Variants in SLC27A6 observed in about 807,000 individuals in gnomAD.
SLC27A6 encodes the protein long-chain fatty acid transport protein 6.
A neutral mutation model predicts 63.9 loss-of-function variants in SLC27A6; 74 were observed. The observed-to-expected ratio is 1.16, with a 90% CI of 0.96 to 1.40. The LOEUF (loss-of-function observed/expected upper bound fraction) is 1.40, where lower values mean the gene tolerates loss of function less well. SLC27A6 is among the 40% of genes most tolerant of loss of function. The pLI is 0.00. For missense variants in SLC27A6, 794 were observed against 732.9 expected (o/e 1.08, Z -0.96); for synonymous variants, 287 against 260.8 (o/e 1.10, Z -0.97).
At chr5:129,014,389 T>G (rs1419370161) in intron 4 of SLC27A6, among the ~76,000 whole-genome samples, 1 of 152,206 alleles carries the variant, frequency 6.6e-6, no homozygotes, top group Non-Finnish European at 1.5e-5. Context: ...CAGTGTCTTA[T>G]GGGAGCTGGC....
Position 129,033,464 on chromosome 5 carries a change from A to T in SLC27A6, c.*182A>T, listed in dbSNP as rs1266029910. The T allele has an allele frequency of 3.1e-6, 1 of 326,458 alleles. No individual in the cohort carries two copies. Among genetic ancestry groups the T allele is most frequent in the African/African-American group, 2.2e-5 (1 of 46,312 alleles). The allele number at this position is 326,458 out of a possible 1,614,324, so 20.2% of individuals were successfully genotyped here. On this transcript the variant is annotated 3_prime_UTR_variant, in exon 10 of 10. Coordinates refer to ENST00000262462, the MANE Select transcript of SLC27A6 (RefSeq NM_001017372.3). ...ATTTCTTTTAATTGATATAAACAGT[A>T]GTTGATTATTCTTTTTATCTATTTG... is the stretch of plus-strand genomic sequence containing the variant.
chr5:129,015,359 T>A (rs1751857894), intron 4 of SLC27A6, among the ~76,000 whole-genome samples: 1 of 152,206 alleles, frequency 6.6e-6, no homozygotes, highest in African/African-American at 2.4e-5. Flanking sequence ...ATTACTTTGA[T>A]TCTATGGCCT....
At chr5:128,971,654 G>C (rs1224922743) in intron 1 of SLC27A6, among the ~76,000 whole-genome samples, 1 of 151,740 alleles carries the variant, frequency 6.6e-6, no homozygotes, top group Non-Finnish European at 1.5e-5. Flanking sequence ...CCTATAGTGT[G>C]TCTCTGCACG....
At chr5:128,992,166 CCTT>C (rs1561618812) in intron 4 of SLC27A6, among the ~76,000 whole-genome samples, 1 of 16,908 alleles carries the variant, frequency 5.9e-5, no homozygotes, top group African/African-American at 2.6e-4. Context: ...ACCCACCTTT[CCTT>C]GACTAGAGGA....
intron 6 of SLC27A6, among the ~76,000 whole-genome samples, chr5:129,026,886 G>T (rs1752261814): frequency 3.9e-5 from 6 of 152,044 alleles, no homozygotes; most frequent in Admixed American, 3.9e-4. Flanking sequence ...ATCTAATGAG[G>T]CTTTTCTTTC....
In SLC27A6 at chr5:129,027,205, A is replaced by C. The variant is rs373485141; in HGVS notation, c.1328A>C (p.His443Pro). 2 of 1,613,424 alleles carry C rather than the reference A, an allele frequency of 1.2e-6. No homozygotes were observed. The highest frequency in any genetic ancestry group is 1.7e-6 in the Non-Finnish European group (2 of 1,179,592). The change falls in exon 7 of 10, where the codon CAC (histidine) becomes CCC (proline). Residue 443 changes from histidine to proline, a missense_variant. Transcript: ENST00000262462. ...PFFGYAGPYK[H>P]TKDKLLCDVF... is the part of the protein sequence containing the mutation. The stretch of plus-strand genomic sequence containing the variant: ...TTTGGCTATGCTGGGCCTTATAAGC[A>C]CACAAAAGACAAATTGCTTTGTGAT...
chr5:128,996,529 T>G (rs1751165900), intron 4 of SLC27A6, among the ~76,000 whole-genome samples: 1 of 152,166 alleles, frequency 6.6e-6, no homozygotes. Flanking sequence ...TGTGTTAAAT[T>G]TTTCATTAGT....
At chr5:129,006,229 C>T (rs963282945) in intron 4 of SLC27A6, among the ~76,000 whole-genome samples, 14 of 151,648 alleles carry the variant, frequency 9.2e-5, no homozygotes, top group African/African-American at 3.1e-4. Context: ...CAGGCGCCAG[C>T]CGCCGCGCCA....
intron 6 of SLC27A6, among the ~76,000 whole-genome samples, chr5:129,026,191 C>T (rs1580749046): frequency 6.6e-6 from 1 of 152,092 alleles, no homozygotes; most frequent in African/African-American, 2.4e-5. Context: ...TGGACTCCAA[C>T]TTCATCTAGC....
intron 1 of SLC27A6, among the ~76,000 whole-genome samples, chr5:128,977,412 A>G (rs555299224): frequency 6.6e-6 from 1 of 152,218 alleles, no homozygotes; most frequent in Admixed American, 6.5e-5. Flanking sequence ...AGGTGAGGTC[A>G]GTGGAAAAGG....
At chr5:128,996,231 A>G (rs1751155924) in intron 4 of SLC27A6, among the ~76,000 whole-genome samples, 1 of 152,192 alleles carries the variant, frequency 6.6e-6, no homozygotes, top group Admixed American at 6.5e-5. Flanking sequence ...TAATTTGTCT[A>G]TATATGTCAA....
intron 6 of SLC27A6, among the ~76,000 whole-genome samples, chr5:129,025,172 C>A (rs1233427509): frequency 6.6e-6 from 1 of 152,136 alleles, no homozygotes; most frequent in Non-Finnish European, 1.5e-5. Context: ...TTGGAATTCT[C>A]ATTATGAGCT....
rs1238356978 is a variant in SLC27A6, at chr5:128,977,618, C to T, written c.482-7515C>T. Reference sequence around the variant, plus strand: ...AAAATCTGAACTCTAGTTCCCATGCCACCTTGCCTAGATGTATGAGCTTGA... The same window carrying T: ...AAAATCTGAACTCTAGTTCCCATGCTACCTTGCCTAGATGTATGAGCTTGA... On this transcript the variant is annotated intron_variant, in intron 1 of 9. Transcript: ENST00000262462. Among the ~76,000 whole-genome samples the T allele has an allele frequency of 2.0e-5, 3 of 152,124 alleles. No homozygotes were observed. The East Asian group carries it at 5.8e-4, about 29-fold the overall frequency.
chr5:128,966,618 G>C lies in SLC27A6; in HGVS notation c.481G>C (p.Asp161His). 6.6e-7 allele frequency: 1 copy of C among 1,513,584 alleles called. No individual in the cohort carries two copies. Among genetic ancestry groups the C allele is most frequent in the Non-Finnish European group, 8.8e-7 (1 of 1,139,954 alleles). 93.8% of individuals were successfully genotyped at this position (1,513,584 alleles called of 1,614,324 possible). A position where few individuals can be genotyped will look rare whatever the true frequency, so the allele number is the denominator to read the frequency against. ...CGPRALVVGA[D>H]LLGTVEEILP... is the part of the protein sequence containing the mutation. ...GCCCAGAGCCCTAGTGGTGGGCGCA[G>C]GTAGAGTATGGGGTGTGGTCTGCCT... Residue 161 changes from aspartate to histidine, a missense_variant and splice_region_variant, in exon 1 of 10, where the codon GAT becomes CAT. Coordinates refer to ENST00000262462, the MANE Select transcript of SLC27A6 (RefSeq NM_001017372.3).
chr5:128,989,240 T>C (rs1750892562), intron 3 of SLC27A6, among the ~76,000 whole-genome samples: 1 of 152,184 alleles, frequency 6.6e-6, no homozygotes, highest in Non-Finnish European at 1.5e-5. Context: ...AGGAGCAAAT[T>C]TACACTGCAA....
chr5:129,025,599 T>C (rs143504979), intron 6 of SLC27A6, among the ~76,000 whole-genome samples: 9 of 152,218 alleles, frequency 5.9e-5, no homozygotes, highest in African/African-American at 1.4e-4. Flanking sequence ...GGATTACATA[T>C]GTAAAACACT....
intron 4 of SLC27A6, among the ~76,000 whole-genome samples, chr5:128,991,701 C>CT (rs1302369597): frequency 6.6e-6 from 1 of 151,368 alleles, no homozygotes; most frequent in Non-Finnish European, 1.5e-5. Context: ...ATTAGGATAT[C>CT]TTTTTGTTTT....
At chr5:129,018,719 C>A (rs2150151327) in intron 5 of SLC27A6, among the ~76,000 whole-genome samples, 1 of 152,156 alleles carries the variant, frequency 6.6e-6, no homozygotes, top group East Asian at 1.9e-4. Flanking sequence ...TTTTATATTA[C>A]TGACTTTATT....
At position 128,988,607 on chromosome 5, in the gene SLC27A6, A is replaced by G. The variant is rs1318225581; in HGVS notation, c.693A>G (p.Pro231=). The change falls in exon 3 of 10, where the codon CCA becomes CCG. Residue 231 remains proline, a synonymous_variant. Transcript: ENST00000262462. ...YIFTSGTTGL[P]KAAVISQLQV... ...TCTTTTCTTTTCTTCCAGGTCTACC[A>G]AAAGCAGCTGTGATTAGTCAGCTGC... 6 of 1,613,736 alleles carry G rather than the reference A, an allele frequency of 3.7e-6. No homozygotes were observed. Among genetic ancestry groups the G allele is most frequent in the Non-Finnish European group, 5.1e-6 (6 of 1,179,836 alleles).
Sources: gnomAD v4.1 joint callset for allele counts (sites outside exome capture counted in the v4.1 genomes callset) on GRCh38, gnomAD v4.1.1 for gene constraint, MANE v1.5 for transcripts, NCBI Gene and HGNC (gene_info 2026-07-23, HGNC 2026-07-21) for gene names.